Variants in ARHGAP28 observed in about 807,000 individuals in gnomAD.
ARHGAP28 encodes Rho GTPase activating protein 28.
ARHGAP28 carries 56 observed loss-of-function variants against 90.7 expected under a neutral mutation model. That is an observed-to-expected ratio of 0.62 (90% confidence interval 0.50 to 0.77). ARHGAP28 has a LOEUF of 0.77. Among genes scored for constraint, ARHGAP28 ranks in the 30% least tolerant of loss-of-function variants. ARHGAP28 has a pLI of 0.00. For synonymous variants in ARHGAP28, 308 were observed against 323.3 expected (o/e 0.95, Z 0.51); for missense variants, 869 against 900.9 (o/e 0.96, Z 0.45).
chr18:6,788,076 A>G (rs960432224), intron 1 of ARHGAP28, among the ~76,000 whole-genome samples: 4 of 152,102 alleles, frequency 2.6e-5, no homozygotes, highest in Non-Finnish European at 5.9e-5. Context: ...CCCAAATCTC[A>G]TGTTGAATTG....
At chr18:6,789,396 A>G (rs1221027664) in intron 1 of ARHGAP28, 1 of 152,058 alleles carries the variant, frequency 6.6e-6, no homozygotes, top group East Asian at 1.9e-4. Context: ...ACACAGTGAA[A>G]CCTGGTCTCT....
At chr18:6,770,880 G>A (rs576505651) in intron 1 of ARHGAP28, among the ~76,000 whole-genome samples, 1 of 152,148 alleles carries the variant, frequency 6.6e-6, no homozygotes, top group African/African-American at 2.4e-5. Context: ...AGTCAGTTTT[G>A]TTTTTATTTG....
At chr18:6,885,094 G>A (rs891574840) in intron 11 of ARHGAP28, among the ~76,000 whole-genome samples, 1 of 152,178 alleles carries the variant, frequency 6.6e-6, no homozygotes. Context: ...TTTACTGCAT[G>A]CTGTATCATC....
At chr18:6,839,795 A>C (rs2056790385) in intron 3 of ARHGAP28, among the ~76,000 whole-genome samples, 1 of 152,212 alleles carries the variant, frequency 6.6e-6, no homozygotes, top group African/African-American at 2.4e-5. Context: ...CCTAGGCTGA[A>C]GGTCTAATTG....
At chr18:6,784,445 T>C (rs572690448) in intron 1 of ARHGAP28, among the ~76,000 whole-genome samples, 44 of 152,240 alleles carry the variant, frequency 2.9e-4, no homozygotes, top group African/African-American at 8.9e-4. Context: ...CCCACAACTT[T>C]TCTTGCTTCT....
At chr18:6,809,289 T>C (rs1469858039) in intron 1 of ARHGAP28, among the ~76,000 whole-genome samples, 1 of 152,188 alleles carries the variant, frequency 6.6e-6, no homozygotes, top group East Asian at 1.9e-4. Context: ...TAGTTGGAAA[T>C]GGAAATTCAC....
rs1379960518 is a variant in ARHGAP28, at chr18:6,890,040, C to T, written c.1689C>T (p.Ala563=). 6.2e-7 allele frequency: 1 copy of T among 1,614,194 alleles called. No homozygotes were observed. The highest frequency in any genetic ancestry group is 1.1e-5 in the South Asian group (1 of 91,074). The change falls in exon 13 of 18, where the codon GCC becomes GCT. Residue 563 remains alanine, a synonymous_variant. Transcript: ENST00000383472. The part of the protein sequence containing the change: ...YEELLLANTA[A]HIIRLMLKYQ... ...AATTACTGTTAGCAAACACTGCGGC[C>T]CACATCATCCGCCTAATGCTTAAGT...
chr18:6,854,616 G>T (rs916922864), intron 4 of ARHGAP28, among the ~76,000 whole-genome samples: 2 of 152,106 alleles, frequency 1.3e-5, no homozygotes, highest in Non-Finnish European at 2.9e-5. Context: ...CTGTGAAGAC[G>T]CCGGCTACAG....
At chr18:6,793,113 T>A (rs144136677) in intron 1 of ARHGAP28, among the ~76,000 whole-genome samples, 1 of 152,340 alleles carries the variant, frequency 6.6e-6, no homozygotes, top group Non-Finnish European at 1.5e-5. Context: ...TTTCTTTAAG[T>A]CATGACTGGG....
chr18:6,832,968 G>C (rs1438847032), intron 2 of ARHGAP28, among the ~76,000 whole-genome samples: 1 of 152,024 alleles, frequency 6.6e-6, no homozygotes, highest in Admixed American at 6.5e-5. Context: ...TGCAGCAGTA[G>C]AATTTCATTC....
rs534903406 is a variant in ARHGAP28 at position 6,729,915 on chromosome 18, C to G, written c.94C>G (p.Arg32Gly). 1,365 of 1,406,318 alleles carry G rather than the reference C, an allele frequency of 9.7e-4. 6 individuals are homozygous for G. In the Middle Eastern group the frequency reaches 0.016, roughly 16 times the overall value. 87.1% of individuals were successfully genotyped at this position (1,406,318 alleles called of 1,614,324 possible). Residue 32 changes from arginine to glycine, a missense_variant, in exon 1 of 18, where the codon CGC (arginine) becomes GGC (glycine). By Grantham distance (125) the Arg-to-Gly change is moderately radical. Coordinates refer to ENST00000383472, the MANE Select transcript of ARHGAP28 (RefSeq NM_001366230.1). The stretch of plus-strand genomic sequence containing the variant: ...CAACGCCGAGTCGCGCTGCGCGCCC[C>G]GCGCCGCAGCCAGCCACCCGCTCAG... The part of the protein sequence containing the change: ...PPNAESRCAP[R>G]AAASHPLSRK...
At chr18:6,751,310 C>T (rs989474217) in intron 1 of ARHGAP28, among the ~76,000 whole-genome samples, 1 of 150,858 alleles carries the variant, frequency 6.6e-6, no homozygotes, top group Non-Finnish European at 1.5e-5. Context: ...TTCCCTTTGT[C>T]AGATTTTTAT....
At chr18:6,884,242 C>T (rs182702436) in intron 11 of ARHGAP28, among the ~76,000 whole-genome samples, 85 of 152,260 alleles carry the variant, frequency 5.6e-4, no homozygotes, top group Non-Finnish European at 1.1e-3. Context: ...GGCGTGGTGG[C>T]GGGCACCTGT....
At chr18:6,782,007 A>G (rs1243017208) in intron 1 of ARHGAP28, among the ~76,000 whole-genome samples, 2 of 152,148 alleles carry the variant, frequency 1.3e-5, no homozygotes, top group Admixed American at 1.3e-4. Context: ...AGAGAGGGGC[A>G]CATCAGTCAA....
intron 4 of ARHGAP28, among the ~76,000 whole-genome samples, chr18:6,856,192 T>A (rs758031976): frequency 1.3e-5 from 2 of 152,256 alleles, no homozygotes; most frequent in Non-Finnish European, 2.9e-5. Flanking sequence ...TTTCTAGTTT[T>A]CTTCAACTTT....
At chr18:6,733,537 ATAC>A (rs762742987) in intron 1 of ARHGAP28, among the ~76,000 whole-genome samples, 8 of 152,150 alleles carry the variant, frequency 5.3e-5, no homozygotes, top group Non-Finnish European at 1.0e-4. Context: ...CTATTTTCTC[ATAC>A]TACTTTTATC....
At chr18:6,835,107 T>C (rs1420236303) in intron 2 of ARHGAP28, among the ~76,000 whole-genome samples, 1 of 152,160 alleles carries the variant, frequency 6.6e-6, no homozygotes, top group Non-Finnish European at 1.5e-5. Context: ...TTCTTACCTA[T>C]GGAAAACATA....
intron 1 of ARHGAP28, among the ~76,000 whole-genome samples, chr18:6,784,905 C>T (rs1354156335): frequency 6.6e-6 from 1 of 152,216 alleles, no homozygotes; most frequent in Non-Finnish European, 1.5e-5. Flanking sequence ...GTATCTCTCC[C>T]AAGAACAGCT....
intron 1 of ARHGAP28, among the ~76,000 whole-genome samples, chr18:6,802,479 G>A (rs2056489524): frequency 6.6e-6 from 1 of 150,950 alleles, no homozygotes; most frequent in Non-Finnish European, 1.5e-5. Context: ...TTGAGTAGCT[G>A]GGATTACAGG....
Sources: gnomAD v4.1 joint callset for allele counts (sites outside exome capture counted in the v4.1 genomes callset) on GRCh38, gnomAD v4.1.1 for gene constraint, MANE v1.5 for transcripts, NCBI Gene and HGNC (gene_info 2026-07-23, HGNC 2026-07-21) for gene names.